Variants in TASP1 observed in about 807,000 individuals in gnomAD.
TASP1 encodes the protein threonine aspartase 1.
Under a neutral mutation model 56.6 loss-of-function variants are expected in TASP1, and 16 were observed. That is an observed-to-expected ratio of 0.28 (90% confidence interval 0.19 to 0.43). The LOEUF (loss-of-function observed/expected upper bound fraction) is 0.43. TASP1 is among the 20% of genes least tolerant of loss of function. TASP1 has a pLI of 1.00. For missense variants in TASP1, 393 were observed against 511.6 expected (o/e 0.77, Z 2.24); for synonymous variants, 179 against 184.2 (o/e 0.97, Z 0.23).
the TASP1 span, among the ~76,000 whole-genome samples, chr20:13,115,293 G>A: frequency 0.36 from 55,053 of 151,984 alleles, 10,077 homozygotes; most frequent in Admixed American, 0.4. Flanking sequence ...TAAAAGCTGA[G>A]TTCTCCCTAG....
intron 4 of TASP1, among the ~76,000 whole-genome samples, chr20:13,620,687 T>C (rs1600186812): frequency 6.6e-6 from 1 of 152,234 alleles, no homozygotes; most frequent in South Asian, 2.1e-4. Flanking sequence ...CTTAACTGAA[T>C]AGACTGACCA....
chr20:13,202,005 G>A, the TASP1 span, among the ~76,000 whole-genome samples: 2 of 152,044 alleles, frequency 1.3e-5, no homozygotes, highest in African/African-American at 4.8e-5. Context: ...TGCCTGTGTC[G>A]GCCTTCCACA....
At chr20:13,413,619 G>C (rs6109867) in intron 13 of TASP1, among the ~76,000 whole-genome samples, 1 of 151,966 alleles carries the variant, frequency 6.6e-6, no homozygotes, top group Non-Finnish European at 1.5e-5. Context: ...ATGCAGACTT[G>C]GTTATAAACC....
chr20:13,596,348 C>G (rs544577635), intron 4 of TASP1, among the ~76,000 whole-genome samples: 164 of 150,178 alleles, frequency 1.1e-3, no homozygotes, highest in Non-Finnish European at 1.6e-3. Context: ...GCACTCCAGC[C>G]TGGGCAACAA....
intron 8 of TASP1, among the ~76,000 whole-genome samples, chr20:13,552,165 T>C (rs1300372995): frequency 2.6e-5 from 4 of 152,184 alleles, no homozygotes; most frequent in Non-Finnish European, 1.5e-5. Flanking sequence ...TCAATTACCA[T>C]GGTATTATTA....
At chr20:13,235,838 C>T in the TASP1 span, among the ~76,000 whole-genome samples, 3 of 152,186 alleles carry the variant, frequency 2.0e-5, no homozygotes, top group East Asian at 5.8e-4. Context: ...GCACCGTTTC[C>T]TACCTTCCTT....
the TASP1 span, among the ~76,000 whole-genome samples, chr20:13,130,084 A>G: frequency 9.8e-5 from 15 of 152,366 alleles, no homozygotes; most frequent in Middle Eastern, 0.01. Flanking sequence ...ATTATCAGCC[A>G]AGTTTCAGGT....
intron 13 of TASP1, among the ~76,000 whole-genome samples, chr20:13,397,750 G>A (rs2041594536): frequency 6.6e-6 from 1 of 152,180 alleles, no homozygotes; most frequent in African/African-American, 2.4e-5. Context: ...TCTGGATCGG[G>A]AAATCACTGG....
At chr20:13,629,813 T>G in intron 2 of TASP1, 121 bp downstream of exon 2, 1 of 1,454,052 alleles carries the variant, frequency 6.9e-7, no homozygotes, top group East Asian at 2.3e-5. Context: ...TCGCTTTGCT[T>G]CCAATTCCTC....
intron 12 of TASP1, among the ~76,000 whole-genome samples, chr20:13,431,826 A>C (rs900726196): frequency 6.6e-6 from 1 of 152,090 alleles, no homozygotes; most frequent in Non-Finnish European, 1.5e-5. Context: ...TGGTGGTTTT[A>C]TAAGAAGATG....
the TASP1 span, among the ~76,000 whole-genome samples, chr20:13,382,653 A>T: frequency 6.6e-6 from 1 of 152,210 alleles, no homozygotes; most frequent in East Asian, 1.9e-4. Context: ...CTCAAAAATT[A>T]ATAAATAACT....
chr20:13,528,849 G>A (rs2045097721), intron 9 of TASP1, among the ~76,000 whole-genome samples: 1 of 152,082 alleles, frequency 6.6e-6, no homozygotes, highest in Non-Finnish European at 1.5e-5. Context: ...AATGTGGTTG[G>A]CTTAAAATAG....
At chr20:13,319,276 A>G in the TASP1 span, among the ~76,000 whole-genome samples, 2 of 152,270 alleles carry the variant, frequency 1.3e-5, no homozygotes, top group Middle Eastern at 3.4e-3. Context: ...CAACTAGACT[A>G]TGAGCAACTG....
At chr20:13,143,349 GTA>G in the TASP1 span, among the ~76,000 whole-genome samples, 2 of 151,638 alleles carry the variant, frequency 1.3e-5, no homozygotes, top group African/African-American at 2.4e-5. Flanking sequence ...GTGTATGAAA[GTA>G]TATATATATA....
the TASP1 span, among the ~76,000 whole-genome samples, chr20:13,292,035 C>A: frequency 1.3e-5 from 2 of 152,282 alleles, no homozygotes; most frequent in South Asian, 2.1e-4. Flanking sequence ...TTAAACACTA[C>A]GTTCTACTGC....
At chr20:13,208,880 T>C in the TASP1 span, among the ~76,000 whole-genome samples, 1 of 152,214 alleles carries the variant, frequency 6.6e-6, no homozygotes, top group Non-Finnish European at 1.5e-5. Context: ...TGAGAAATAA[T>C]AAATTGGTTT....
At chr20:13,604,648 C>A (rs2048080242) in intron 4 of TASP1, among the ~76,000 whole-genome samples, 3 of 152,170 alleles carry the variant, frequency 2.0e-5, no homozygotes, top group Non-Finnish European at 4.4e-5. Context: ...GTCTGCCTTA[C>A]CACCTTTCAC....
the TASP1 span, among the ~76,000 whole-genome samples, chr20:13,283,647 T>C: frequency 1.3e-5 from 2 of 152,198 alleles, no homozygotes; most frequent in African/African-American, 4.8e-5. Context: ...ATTTTAAATC[T>C]CTTCTGTGTA....
chr20:13,441,525 A>G (rs1022986399), intron 11 of TASP1, among the ~76,000 whole-genome samples: 17 of 152,322 alleles, frequency 1.1e-4, no homozygotes, highest in African/African-American at 4.1e-4. Flanking sequence ...TAATCTGAGG[A>G]AAGACCATTC....
Sources: gnomAD v4.1 joint callset for allele counts (sites outside exome capture counted in the v4.1 genomes callset) on GRCh38, gnomAD v4.1.1 for gene constraint, MANE v1.5 for transcripts, NCBI Gene and HGNC (gene_info 2026-07-23, HGNC 2026-07-21) for gene names.